Variants in FUT9 observed in about 807,000 individuals in gnomAD.
FUT9 encodes the protein 4-galactosyl-N-acetylglucosaminide 3-alpha-L-fucosyltransferase 9.
In FUT9, 15 loss-of-function variants were observed where a neutral mutation model predicts 29.7. The ratio of observed to expected loss-of-function variants is 0.51; its 90% CI spans 0.34 to 0.78. FUT9 has a LOEUF of 0.78. Among genes scored for constraint, FUT9 ranks in the 30% least tolerant of loss-of-function variants. The pLI, the probability that FUT9 is intolerant of heterozygous loss-of-function variation, is 0.01. For synonymous variants in FUT9, 169 were observed against 153.7 expected (o/e 1.10, Z -0.74); for missense variants, 319 against 425.4 (o/e 0.75, Z 2.20).
At chr6:96,178,521 T>A (rs933194902) in intron 2 of FUT9, among the ~76,000 whole-genome samples, 2 of 152,102 alleles carry the variant, frequency 1.3e-5, no homozygotes, top group African/African-American at 4.8e-5. Flanking sequence ...CAGAGAAAAA[T>A]TGTCTTTTGA....
At chr6:96,044,749 T>C (rs1770528681) in intron 1 of FUT9, among the ~76,000 whole-genome samples, 1 of 152,196 alleles carries the variant, frequency 6.6e-6, no homozygotes, top group African/African-American at 2.4e-5. Flanking sequence ...TCTTTTTAAT[T>C]CCCTAATTAT....
chr6:96,097,446 C>T (rs1230069016), intron 1 of FUT9, among the ~76,000 whole-genome samples: 1 of 152,094 alleles, frequency 6.6e-6, no homozygotes, highest in Non-Finnish European at 1.5e-5. Context: ...AAATATGTAC[C>T]TGAAAAGCAC....
At chr6:96,059,475 C>T (rs1434558538) in intron 1 of FUT9, among the ~76,000 whole-genome samples, 1 of 152,130 alleles carries the variant, frequency 6.6e-6, no homozygotes, top group Non-Finnish European at 1.5e-5. Flanking sequence ...GTGTATGTGG[C>T]AGAAGGATGA....
At position 96,020,069 on chromosome 6, in the gene FUT9, C is replaced by T. The variant is rs182824861; in HGVS notation, c.-98+3857C>T. Among the ~76,000 whole-genome samples the T allele has an allele frequency of 7.2e-5, 11 of 152,160 alleles. No homozygotes were observed. The East Asian group carries it at 1.5e-3, about 21-fold the overall frequency. Reference sequence around the variant, plus strand: ...CTCAATGCCTAGACTTCTAACACACCATAGTTAAAGGTAATCAGTCAACCA... The same window carrying T: ...CTCAATGCCTAGACTTCTAACACACTATAGTTAAAGGTAATCAGTCAACCA... On this transcript the variant is annotated intron_variant, in intron 1 of 2. Transcript: ENST00000302103.
intron 2 of FUT9, among the ~76,000 whole-genome samples, chr6:96,119,417 G>T (rs1029389779): frequency 7.9e-5 from 12 of 152,174 alleles, no homozygotes; most frequent in African/African-American, 2.9e-4. Context: ...ATCTAGGTTT[G>T]TGTAAGTCCA....
intron 2 of FUT9, among the ~76,000 whole-genome samples, chr6:96,124,443 C>A (rs1772094441): frequency 6.6e-6 from 1 of 152,060 alleles, no homozygotes; most frequent in African/African-American, 2.4e-5. Flanking sequence ...AGCCACTGTG[C>A]CTGACCAAGG....
intron 2 of FUT9, among the ~76,000 whole-genome samples, chr6:96,155,599 G>T (rs1332201844): frequency 1.3e-5 from 2 of 151,896 alleles, no homozygotes; most frequent in Admixed American, 1.3e-4. Flanking sequence ...TGTGAACCTG[G>T]GAGGCGGAGC....
chr6:96,211,022 TCA>T lies in FUT9; in HGVS notation c.*6790_*6791del, dbSNP rs1342468813. The T allele has an allele frequency of 6.0e-6, 1 of 166,944 alleles. No individual in the cohort carries two copies. The highest frequency in any genetic ancestry group is 1.5e-5 in the Non-Finnish European group (1 of 68,030). The allele number at this position is 166,944 out of a possible 1,614,324, so 10.3% of individuals were successfully genotyped here. ...AATTGTGAGGAATCCAGTGCTATTT[TCA>T]CAATTTTAATTCTAAAACTCTGAAG... On this transcript the variant is annotated 3_prime_UTR_variant, in exon 3 of 3. Coordinates refer to ENST00000302103, the MANE Select transcript of FUT9 (RefSeq NM_006581.4).
At chr6:96,115,371 C>T (rs925049127) in intron 2 of FUT9, among the ~76,000 whole-genome samples, 3 of 152,082 alleles carry the variant, frequency 2.0e-5, no homozygotes, top group African/African-American at 7.2e-5. Flanking sequence ...TCCTTGAAAT[C>T]CAGTGTGTAC....
At chr6:96,196,792 A>G (rs1330199705) in intron 2 of FUT9, among the ~76,000 whole-genome samples, 2 of 152,218 alleles carry the variant, frequency 1.3e-5, no homozygotes, top group African/African-American at 4.8e-5. Flanking sequence ...GCTTCTCTTT[A>G]GCATTCCTTC....
intron 1 of FUT9, among the ~76,000 whole-genome samples, chr6:96,094,453 G>C (rs1771462398): frequency 1.3e-5 from 2 of 152,094 alleles, no homozygotes; most frequent in African/African-American, 4.8e-5. Context: ...TGAAAGTTCT[G>C]TACTAAATAA....
At chr6:96,179,016 A>T (rs1176586543) in intron 2 of FUT9, among the ~76,000 whole-genome samples, 2 of 152,118 alleles carry the variant, frequency 1.3e-5, no homozygotes, top group Non-Finnish European at 2.9e-5. Context: ...ATTTCGAAAG[A>T]ATCTGGGTCT....
chr6:96,200,125 A>T (rs1773701783), intron 2 of FUT9, among the ~76,000 whole-genome samples: 1 of 152,132 alleles, frequency 6.6e-6, no homozygotes, highest in African/African-American at 2.4e-5. Context: ...TATCAATAAA[A>T]TGGGGATATA....
intron 1 of FUT9, among the ~76,000 whole-genome samples, chr6:96,068,848 T>C (rs1771005341): frequency 6.6e-6 from 1 of 152,146 alleles, no homozygotes; most frequent in Non-Finnish European, 1.5e-5. Flanking sequence ...TACCCATATA[T>C]GGAGAACCTA....
At chr6:96,173,486 G>A (rs1045554608) in intron 2 of FUT9, among the ~76,000 whole-genome samples, 14 of 151,972 alleles carry the variant, frequency 9.2e-5, no homozygotes, top group South Asian at 2.1e-4. Flanking sequence ...ATCACACATC[G>A]TCATATGACC....
intron 1 of FUT9, among the ~76,000 whole-genome samples, chr6:96,046,243 A>ACC (rs1554188608): frequency 1.0e-4 from 15 of 148,616 alleles, no homozygotes; most frequent in African/African-American, 3.7e-4. Context: ...ACACACACAC[A>ACC]CCCCTGAAGC....
In FUT9 at chr6:96,206,023, A is replaced by C. The variant is rs1402083407; in HGVS notation, c.*1788A>C. 1 of 166,986 alleles carries C rather than the reference A, an allele frequency of 6.0e-6. No individual in the cohort carries two copies. Among genetic ancestry groups the C allele is most frequent in the Non-Finnish European group, 1.5e-5 (1 of 68,112 alleles). 10.3% of individuals were successfully genotyped at this position (166,986 alleles called of 1,614,324 possible). On this transcript the variant is annotated 3_prime_UTR_variant, in exon 3 of 3. Coordinates refer to ENST00000302103, the MANE Select transcript of FUT9 (RefSeq NM_006581.4). ...GAGATAAGATGAACAAGGTACTATCACTGCCTAAAATGAGCTTACAATTAA... is the reference window on the plus strand; with the variant it reads ...GAGATAAGATGAACAAGGTACTATCCCTGCCTAAAATGAGCTTACAATTAA...
At chr6:96,030,449 G>GAACA (rs760394969) in intron 1 of FUT9, among the ~76,000 whole-genome samples, 5 of 151,436 alleles carry the variant, frequency 3.3e-5, no homozygotes, top group Admixed American at 1.3e-4. Context: ...AATGAAAACA[G>GAACA]AACAAACAAA....
chr6:96,120,155 C>A (rs948485626), intron 2 of FUT9, among the ~76,000 whole-genome samples: 5 of 151,458 alleles, frequency 3.3e-5, no homozygotes, highest in Admixed American at 3.3e-4. Context: ...GATTTAAAGT[C>A]CTTCTACCAT....
Sources: gnomAD v4.1 joint callset for allele counts (sites outside exome capture counted in the v4.1 genomes callset) on GRCh38, gnomAD v4.1.1 for gene constraint, MANE v1.5 for transcripts, NCBI Gene and HGNC (gene_info 2026-07-23, HGNC 2026-07-21) for gene names.